ANKRD29: variants seen among roughly 807,000 people sequenced by gnomAD.
ANKRD29 encodes the protein ankyrin repeat domain 29, also known as ankyrin repeat domain-containing protein 29.
In ANKRD29, 32 loss-of-function variants were observed where a neutral mutation model predicts 38.0. That is an observed-to-expected ratio of 0.84 (90% CI 0.64 to 1.13). ANKRD29 has a LOEUF of 1.13. ANKRD29 is among the 50% of genes most tolerant of loss of function. The pLI, the probability that ANKRD29 is intolerant of heterozygous loss-of-function variation, is 0.00. For synonymous variants in ANKRD29, 135 were observed against 152.4 expected (o/e 0.89, Z 0.84); for missense variants, 357 against 377.9 (o/e 0.94, Z 0.46).
Position 23,649,138 on chromosome 18 carries a change from G to A in ANKRD29, c.77C>T (p.Ala26Val), listed in dbSNP as rs138876398. 61 of 1,614,152 alleles carry A rather than the reference G, an allele frequency of 3.8e-5. 1 individual carries two copies. Among genetic ancestry groups the A allele is most frequent in the South Asian group, 3.2e-4 (29 of 91,076 alleles). ...AFWAARRGNL[A>V]LLKLLLNSGR... is the part of the protein sequence containing the mutation. Reference sequence around the variant, plus strand: ...GCTGTTCAACAGCAGCTTCAGCAGCGCCAGGTTTCCTCTCCTGGCTGCCCA... The same window carrying A: ...GCTGTTCAACAGCAGCTTCAGCAGCACCAGGTTTCCTCTCCTGGCTGCCCA... The change falls in exon 2 of 10, where the codon GCG (alanine) becomes GTG (valine). Residue 26 changes from alanine to valine, a missense_variant. Physicochemically the swap from Ala to Val is moderately conservative, Grantham distance 64. Coordinates refer to ENST00000592179, the MANE Select transcript of ANKRD29 (RefSeq NM_173505.4).
In ANKRD29 at chr18:23,602,161, C is replaced by G. The variant is rs370011981; in HGVS notation, c.823-852G>C. Among the ~76,000 whole-genome samples, 10 of 152,022 alleles carry G rather than the reference C, an allele frequency of 6.6e-5. No individual in the cohort carries two copies. In the East Asian group the frequency reaches 1.4e-3, roughly 21 times the overall value. Reference sequence around the variant, plus strand: ...AAGCAATTCTCCTGCCTCAGCCTCCCGAGTGGCTGGGACTACAGGCATGTG... The same window carrying G: ...AAGCAATTCTCCTGCCTCAGCCTCCGGAGTGGCTGGGACTACAGGCATGTG... On this transcript the variant is annotated intron_variant, in intron 9 of 9. Transcript: ENST00000592179.
chr18:23,633,647 C>T (rs1344826100), intron 5 of ANKRD29, among the ~76,000 whole-genome samples: 3 of 151,900 alleles, frequency 2.0e-5, no homozygotes, highest in Admixed American at 6.5e-5. Context: ...CTCAGCTCAC[C>T]GCAACCTTCA....
At chr18:23,651,390 T>A (rs1174354694) in intron 1 of ANKRD29, among the ~76,000 whole-genome samples, 1 of 152,192 alleles carries the variant, frequency 6.6e-6, no homozygotes, top group Non-Finnish European at 1.5e-5. Context: ...CCAGGCTGGG[T>A]CTAATTTGTT....
At position 23,601,213 on chromosome 18, in the gene ANKRD29, A is replaced by G. The variant is rs777723661; in HGVS notation, c.*13T>C. ...GTTAAGCTTTCTATCTTTCTGTCAA[A>G]TATGGAGCTAAGTTAGCTCTTTCTG... is the stretch of plus-strand genomic sequence containing the variant. On this transcript the variant is annotated 3_prime_UTR_variant, in exon 10 of 10. Coordinates refer to ENST00000592179, the MANE Select transcript of ANKRD29 (RefSeq NM_173505.4). 1.2e-6 allele frequency: 2 copies of G among 1,610,056 alleles called. No individual in the cohort carries two copies. The highest frequency in any genetic ancestry group is 1.1e-5 in the South Asian group (1 of 90,946).
intron 8 of ANKRD29, among the ~76,000 whole-genome samples, chr18:23,616,093 C>T (rs1489674237): frequency 2.0e-5 from 3 of 146,654 alleles, no homozygotes; most frequent in East Asian, 3.9e-4. Context: ...CTACACATAC[C>T]GTATGTATGT....
At chr18:23,607,483 GA>G (rs1213453628) in intron 9 of ANKRD29, among the ~76,000 whole-genome samples, 1 of 152,190 alleles carries the variant, frequency 6.6e-6, no homozygotes, top group Non-Finnish European at 1.5e-5. Context: ...GGGAGCTTAA[GA>G]AGCTCTACCT....
At chr18:23,613,979 G>A (rs1378590358) in intron 8 of ANKRD29, among the ~76,000 whole-genome samples, 1 of 151,836 alleles carries the variant, frequency 6.6e-6, no homozygotes, top group African/African-American at 2.4e-5. Context: ...TGATCCACCC[G>A]CCTTTGCCTC....
At position 23,662,814 on chromosome 18, in the gene ANKRD29, TC is replaced by T. The variant is rs1728893694; in HGVS notation, c.-85del. The T allele has an allele frequency of 1.6e-6, 2 of 1,225,460 alleles. No homozygotes were observed. The highest frequency in any genetic ancestry group is 3.2e-5 in the African/African-American group (2 of 62,706). 75.9% of individuals were successfully genotyped at this position (1,225,460 alleles called of 1,614,324 possible). On this transcript the variant is annotated 5_prime_UTR_variant, in exon 1 of 10. Transcript: ENST00000592179. ...CCGGCCCTTCACTCTCCCGGGGCTC[TC>T]GGCGTTCCGCAGAGGGGCGGCCTCC...
chr18:23,631,973 T>C (rs1443197430), intron 5 of ANKRD29, among the ~76,000 whole-genome samples: 2 of 152,136 alleles, frequency 1.3e-5, no homozygotes, highest in Non-Finnish European at 2.9e-5. Flanking sequence ...CCCAGCTAAT[T>C]ACCACACCTC....
Position 23,617,851 on chromosome 18 carries a change from A to G in ANKRD29, c.628-24T>C, listed in dbSNP as rs1352482892. The G allele has an allele frequency of 2.5e-6, 4 of 1,595,342 alleles. No homozygotes were observed. In the African/African-American group the frequency reaches 5.4e-5, roughly 21 times the overall value. On this transcript the variant is annotated intron_variant, in intron 7 of 9. Transcript: ENST00000592179. ...TCCTTAACAGAAAGAGGAAAATAAAAGTTGATTATTAACATATATCTGTGT... is the reference window on the plus strand; with the variant it reads ...TCCTTAACAGAAAGAGGAAAATAAAGGTTGATTATTAACATATATCTGTGT...
At chr18:23,634,260 A>G (rs1215540633) in intron 4 of ANKRD29, 111 bp from the exon 5 acceptor site, 1 of 753,466 alleles carries the variant, frequency 1.3e-6, no homozygotes, top group African/African-American at 1.8e-5. Context: ...CAAAGATAAT[A>G]ACAAACTCAC....
intron 3 of ANKRD29, among the ~76,000 whole-genome samples, chr18:23,645,331 T>A (rs1243956164): frequency 6.6e-6 from 1 of 152,166 alleles, no homozygotes; most frequent in Non-Finnish European, 1.5e-5. Flanking sequence ...ATCCCGGCAC[T>A]TTGGGAGGCT....
intron 1 of ANKRD29, among the ~76,000 whole-genome samples, chr18:23,653,080 C>A (rs2060230548): frequency 6.6e-6 from 1 of 152,188 alleles, no homozygotes; most frequent in Non-Finnish European, 1.5e-5. Context: ...AGTTTTGTCA[C>A]CCAGGAGCAA....
chr18:23,603,398 C>G (rs2059537052), intron 9 of ANKRD29, among the ~76,000 whole-genome samples: 1 of 152,064 alleles, frequency 6.6e-6, no homozygotes, highest in African/African-American at 2.4e-5. Flanking sequence ...TTTGGGAGGC[C>G]AAGGCAAGTG....
intron 7 of ANKRD29, 131 bp from the exon 8 acceptor site, chr18:23,617,958 G>T: frequency 1.5e-6 from 1 of 651,750 alleles, no homozygotes; most frequent in Non-Finnish European, 2.7e-6. Flanking sequence ...GATCAGCAAT[G>T]TCTCTTAATC....
chr18:23,654,320 A>C (rs1037246991), intron 1 of ANKRD29, among the ~76,000 whole-genome samples: 42 of 146,102 alleles, frequency 2.9e-4, no homozygotes, highest in African/African-American at 1.0e-3. Context: ...ATAAATAAAT[A>C]AATAAATCCA....
Position 23,619,475 on chromosome 18 carries a change from T to C in ANKRD29, c.627+56A>G, listed in dbSNP as rs559354112. Reference sequence around the variant, plus strand: ...GCAGACTCAGTCAAGACCCGTTTTCTCCACACAGGCGCGCCGGGAGGCTTC... The same window carrying C: ...GCAGACTCAGTCAAGACCCGTTTTCCCCACACAGGCGCGCCGGGAGGCTTC... On this transcript the variant is annotated intron_variant, in intron 7 of 9. Coordinates refer to ENST00000592179, the MANE Select transcript of ANKRD29 (RefSeq NM_173505.4). 22 of 1,490,380 alleles carry C rather than the reference T, an allele frequency of 1.5e-5. No homozygotes were observed. The African/African-American group carries it at 2.8e-4, about 19-fold the overall frequency. The allele number at this position is 1,490,380 out of a possible 1,614,324, so 92.3% of individuals were successfully genotyped here.
intron 6 of ANKRD29, among the ~76,000 whole-genome samples, chr18:23,624,693 T>A (rs1568022071): frequency 1.3e-5 from 2 of 152,076 alleles, no homozygotes; most frequent in Non-Finnish European, 2.9e-5. Flanking sequence ...GAGTGTTGGC[T>A]AAGACCAAAG....
chr18:23,651,756 C>G (rs1384780372), intron 1 of ANKRD29, among the ~76,000 whole-genome samples: 2 of 152,186 alleles, frequency 1.3e-5, no homozygotes, highest in African/African-American at 4.8e-5. Context: ...TCCAGCTGGG[C>G]TGGCCATCCT....
Sources: gnomAD v4.1 joint callset for allele counts (sites outside exome capture counted in the v4.1 genomes callset) on GRCh38, gnomAD v4.1.1 for gene constraint, MANE v1.5 for transcripts, NCBI Gene and HGNC (gene_info 2026-07-23, HGNC 2026-07-21) for gene names.